The following OR51B5 variants were observed in gnomAD, a reference collection of about 807,000 sequenced individuals.
OR51B5 encodes olfactory receptor 51B5.
For missense variants in OR51B5, 456 were observed against 374.6 expected (o/e 1.22, Z -1.79); for synonymous variants, 186 against 144.8 (o/e 1.28, Z -2.04).
intron 1 of OR51B5, chr11:5,402,690 G>A (rs183556137): frequency 2.8e-5 from 13 of 471,246 alleles, no homozygotes; most frequent in East Asian, 1.4e-4. Context: ...CTGGATATCC[G>A]TCCCCTTCTC....
chr11:5,428,560 T>C (rs1457838315), intron 1 of OR51B5, among the ~76,000 whole-genome samples: 3 of 150,372 alleles, frequency 2.0e-5, no homozygotes, highest in Non-Finnish European at 4.5e-5. Flanking sequence ...TATATAGATA[T>C]GTTTTAGCTT....
At chr11:5,428,462 CAT>C (rs1850482453) in intron 1 of OR51B5, among the ~76,000 whole-genome samples, 1 of 152,156 alleles carries the variant, frequency 6.6e-6, no homozygotes, top group African/African-American at 2.4e-5. Context: ...ACTTGCTCAA[CAT>C]AGGGTTATTA....
chr11:5,352,327 A>T, intron 1 of OR51B5: 1 of 1,613,962 alleles, frequency 6.2e-7, no homozygotes, highest in Admixed American at 1.7e-5. Flanking sequence ...TCACATCACA[A>T]TGAGCTACAT....
chr11:5,383,036 A>T (rs187880406), intron 1 of OR51B5, among the ~76,000 whole-genome samples: 1 of 152,182 alleles, frequency 6.6e-6, no homozygotes, highest in East Asian at 1.9e-4. Context: ...TGTACACATG[A>T]CCTGATCACA....
At chr11:5,351,655 G>C (rs1432397255) in intron 1 of OR51B5, 1 of 1,613,988 alleles carries the variant, frequency 6.2e-7, no homozygotes, top group African/African-American at 1.3e-5. Context: ...CATCAGGAAT[G>C]ATCATAACCT....
At chr11:5,448,107 T>G (rs1209337664) in intron 1 of OR51B5, among the ~76,000 whole-genome samples, 1 of 152,242 alleles carries the variant, frequency 6.6e-6, no homozygotes, top group Non-Finnish European at 1.5e-5. Context: ...CTCAAGTTGC[T>G]GCCTACAATG....
At chr11:5,447,314 C>T (rs919642645) in intron 1 of OR51B5, among the ~76,000 whole-genome samples, 2 of 152,154 alleles carry the variant, frequency 1.3e-5, no homozygotes, top group African/African-American at 4.8e-5. Context: ...TCTCACTCCA[C>T]TCCCCTGCCT....
chr11:5,493,001 G>T (rs1490305325), intron 1 of OR51B5, among the ~76,000 whole-genome samples: 1 of 152,130 alleles, frequency 6.6e-6, no homozygotes, highest in East Asian at 1.9e-4. Flanking sequence ...CTGGAAACAT[G>T]TTTAACATCA....
chr11:5,355,059 G>C, intron 1 of OR51B5: 1 of 165,902 alleles, frequency 6.0e-6, no homozygotes, highest in Admixed American at 6.3e-5. Context: ...AAAACTACCT[G>C]GACCAATTTC....
At chr11:5,357,725 G>A (rs1849217277) in intron 1 of OR51B5, among the ~76,000 whole-genome samples, 1 of 150,000 alleles carries the variant, frequency 6.7e-6, no homozygotes, top group African/African-American at 2.5e-5. Context: ...TTCCAAAATT[G>A]ACCACATAGT....
chr11:5,366,549 C>G (rs1193865709), intron 1 of OR51B5, among the ~76,000 whole-genome samples: 1 of 151,750 alleles, frequency 6.6e-6, no homozygotes, highest in African/African-American at 2.4e-5. Context: ...GCGGAGGTTG[C>G]AGTGAGCCGA....
intron 1 of OR51B5, among the ~76,000 whole-genome samples, chr11:5,429,876 G>C (rs1390743408): frequency 6.6e-6 from 1 of 152,182 alleles, no homozygotes; most frequent in African/African-American, 2.4e-5. Flanking sequence ...GAGATTCTTA[G>C]AATCTGTAGC....
intron 1 of OR51B5, among the ~76,000 whole-genome samples, chr11:5,461,386 G>A (rs544318236): frequency 1.3e-5 from 2 of 152,348 alleles, no homozygotes; most frequent in Admixed American, 6.5e-5. Context: ...CCACTGGCAA[G>A]CATTTTGGCA....
At chr11:5,375,411 A>G (rs918238212) in intron 1 of OR51B5, among the ~76,000 whole-genome samples, 7 of 144,628 alleles carry the variant, frequency 4.8e-5, no homozygotes, top group African/African-American at 1.8e-4. Flanking sequence ...AAGACTAGGA[A>G]GAAACTGCAT....
intron 1 of OR51B5, among the ~76,000 whole-genome samples, chr11:5,358,426 T>G (rs1849228361): frequency 6.6e-6 from 1 of 152,064 alleles, no homozygotes; most frequent in East Asian, 1.9e-4. Context: ...ACATACACCC[T>G]CCCAAGACTA....
intron 1 of OR51B5, chr11:5,469,060 ACT>A (rs1851183724): frequency 7.6e-6 from 2 of 263,246 alleles, no homozygotes; most frequent in Non-Finnish European, 1.5e-5. Flanking sequence ...AGTGGTCAAA[ACT>A]CATGGCCAGT....
At chr11:5,346,138 C>G (rs1159066413), upstream of OR51B5, 1 of 152,146 alleles carries the variant, frequency 6.6e-6, no homozygotes, top group Non-Finnish European at 1.5e-5. Context: ...ATATGCAGCA[C>G]AAGTGATGAA....
At chr11:5,489,053 C>T (rs779417110) in intron 1 of OR51B5, 11 of 1,613,898 alleles carry the variant, frequency 6.8e-6, no homozygotes, top group Admixed American at 1.7e-5. Flanking sequence ...CTGGAGTCCT[C>T]AATTCTACTT....
intron 1 of OR51B5, among the ~76,000 whole-genome samples, chr11:5,366,727 AAAG>A (rs1471535022): frequency 1.3e-5 from 2 of 151,990 alleles, no homozygotes; most frequent in African/African-American, 4.8e-5. Context: ...AAAGGAAAGG[AAAG>A]AAGGAAGGAA....
Sources: gnomAD v4.1 joint callset for allele counts (sites outside exome capture counted in the v4.1 genomes callset) on GRCh38, gnomAD v4.1.1 for gene constraint, MANE v1.5 for transcripts, NCBI Gene and HGNC (gene_info 2026-07-23, HGNC 2026-07-21) for gene names.